Variants in RGS6 observed in about 807,000 individuals in gnomAD.
RGS6 encodes the protein regulator of G-protein signaling 6.
Under a neutral mutation model 78.5 loss-of-function variants are expected in RGS6, and 30 were observed. That is an observed-to-expected ratio of 0.38 (90% CI 0.29 to 0.52). The LOEUF is 0.52. Among genes scored for constraint, RGS6 ranks in the 20% least tolerant of loss-of-function variants. The pLI is 0.85. For synonymous variants in RGS6, 206 were observed against 206.0 expected, an observed-to-expected ratio of 1.00 and a Z score of 0.00; for missense variants, 495 against 609.7, an observed-to-expected ratio of 0.81 and a Z score of 1.98.
intron 1 of RGS6, among the ~76,000 whole-genome samples, chr14:71,956,444 C>T (rs1015163407): frequency 6.6e-6 from 1 of 151,618 alleles, no homozygotes; most frequent in Non-Finnish European, 1.5e-5. Flanking sequence ...TATTATCTTA[C>T]ATGATCACAA....
chr14:72,245,280 T>C (rs1442557863), intron 2 of RGS6, among the ~76,000 whole-genome samples: 1 of 152,162 alleles, frequency 6.6e-6, no homozygotes, highest in African/African-American at 2.4e-5. Context: ...AACCCAGCGG[T>C]ACTAGAGGAA....
At chr14:72,448,053 T>C (rs2095409862) in intron 3 of RGS6, among the ~76,000 whole-genome samples, 1 of 152,174 alleles carries the variant, frequency 6.6e-6, no homozygotes, top group African/African-American at 2.4e-5. Flanking sequence ...AGCAAAACCA[T>C]GAACCAGGCA....
At chr14:72,549,087 G>T (rs1021321362) in intron 17 of RGS6, among the ~76,000 whole-genome samples, 4 of 152,196 alleles carry the variant, frequency 2.6e-5, no homozygotes, top group Non-Finnish European at 5.9e-5. Flanking sequence ...TAAGGAAGGA[G>T]TTTGCTGAGA....
chr14:72,144,082 A>G (rs896055133), intron 2 of RGS6, among the ~76,000 whole-genome samples: 46 of 152,214 alleles, frequency 3.0e-4, no homozygotes, highest in African/African-American at 1.1e-3. Flanking sequence ...TGAAAGAATG[A>G]TGCCCCAAGA....
At chr14:72,552,389 C>T (rs1020947902) in intron 17 of RGS6, among the ~76,000 whole-genome samples, 3 of 152,188 alleles carry the variant, frequency 2.0e-5, no homozygotes, top group African/African-American at 7.2e-5. Context: ...CTGTAAGGTG[C>T]TGGGAGGTGG....
At chr14:72,414,971 G>T (rs1430050811) in intron 3 of RGS6, among the ~76,000 whole-genome samples, 1 of 152,192 alleles carries the variant, frequency 6.6e-6, no homozygotes, top group Non-Finnish European at 1.5e-5. Flanking sequence ...TACTGGGGGG[G>T]TGCCTCCCAG....
At chr14:72,015,125 T>C (rs2086675423) in intron 2 of RGS6, among the ~76,000 whole-genome samples, 1 of 152,174 alleles carries the variant, frequency 6.6e-6, no homozygotes, top group Non-Finnish European at 1.5e-5. Flanking sequence ...GGAAGCATGG[T>C]GCCAGCATCT....
chr14:72,230,115 G>A (rs1056644131), intron 2 of RGS6, among the ~76,000 whole-genome samples: 1 of 152,240 alleles, frequency 6.6e-6, no homozygotes, highest in African/African-American at 2.4e-5. Context: ...GATGGAAAGG[G>A]AAGAAAGAGT....
chr14:72,468,996 C>G (rs2096001787), intron 7 of RGS6, among the ~76,000 whole-genome samples: 1 of 152,136 alleles, frequency 6.6e-6, no homozygotes, highest in Admixed American at 6.5e-5. Context: ...AATATGGGCT[C>G]CGGCCTTGCA....
At chr14:72,505,004 C>G (rs1353586891) in intron 13 of RGS6, among the ~76,000 whole-genome samples, 2 of 143,736 alleles carry the variant, frequency 1.4e-5, no homozygotes, top group Non-Finnish European at 3.0e-5. Flanking sequence ...TCTCAAACTC[C>G]TGACCTTGTG....
rs2097494055 is a variant in RGS6 at position 72,550,738 on chromosome 14, T to G, written c.1422+10644T>G. The G allele has an allele frequency of 1.9e-5, 20 of 1,072,140 alleles. No homozygotes were observed. In the South Asian group the frequency reaches 3.7e-4, roughly 20 times the overall value. The allele number at this position is 1,072,140 out of a possible 1,614,324, so 66.4% of individuals were successfully genotyped here. On this transcript the variant is annotated intron_variant, in intron 17 of 17. Coordinates refer to ENST00000553525, the MANE Select transcript of RGS6 (RefSeq NM_001204424.2). ...CACCTGATGGAGGTTTTACACCTGA[T>G]GGAGGTTTCCTTGGTAGTGATTCAG...
chr14:72,620,380 G>A, the RGS6 span, among the ~76,000 whole-genome samples: 1 of 152,166 alleles, frequency 6.6e-6, no homozygotes, highest in African/African-American at 2.4e-5. Flanking sequence ...GATCTTAATT[G>A]AATTCTTCTG....
At chr14:72,465,641 G>A in intron 6 of RGS6, 117 bp from the exon 7 acceptor site, 1 of 686,004 alleles carries the variant, frequency 1.5e-6, no homozygotes, top group Admixed American at 2.2e-5. Context: ...TGGATGGATG[G>A]ATGGATGGAT....
At chr14:72,189,204 C>A (rs1004682644) in intron 2 of RGS6, among the ~76,000 whole-genome samples, 1 of 152,110 alleles carries the variant, frequency 6.6e-6, no homozygotes, top group Non-Finnish European at 1.5e-5. Context: ...TCCTATAAAA[C>A]CTTATTTACA....
At chr14:72,068,960 GTTTC>G (rs1215595023) in intron 2 of RGS6, among the ~76,000 whole-genome samples, 2 of 151,252 alleles carry the variant, frequency 1.3e-5, no homozygotes, top group South Asian at 2.1e-4. Context: ...TTCTACTTTT[GTTTC>G]TTTCTCTTGT....
Position 72,286,135 on chromosome 14 carries a change from A to G in RGS6, c.85-65960A>G, listed in dbSNP as rs1408375060. 2.0e-5 allele frequency among the ~76,000 whole-genome samples: 3 copies of G among 152,200 alleles called. No individual in the cohort carries two copies. In the South Asian group the frequency reaches 6.2e-4, roughly 31 times the overall value. On this transcript the variant is annotated intron_variant, in intron 2 of 17. Transcript: ENST00000553525. ...CCCCATGTTTTATTCTAGGAATTTT[A>G]TAGTTTCAGGTCTTACATTTAAGTC...
chr14:72,560,943 T>A (rs925923609), intron 17 of RGS6, among the ~76,000 whole-genome samples: 1 of 151,768 alleles, frequency 6.6e-6, no homozygotes, highest in African/African-American at 2.4e-5. Flanking sequence ...AAAGGCAGAC[T>A]TTCTGACAGC....
intron 3 of RGS6, among the ~76,000 whole-genome samples, chr14:72,437,646 C>T (rs2094992809): frequency 6.6e-6 from 1 of 152,178 alleles, no homozygotes; most frequent in Admixed American, 6.5e-5. Flanking sequence ...AGGGTTTTCC[C>T]ATTTGGGAAC....
At chr14:72,265,687 C>T (rs758004) in intron 2 of RGS6, among the ~76,000 whole-genome samples, 85,169 of 151,482 alleles carry the variant, frequency 0.56, 24,317 homozygotes, top group African/African-American at 0.65. Flanking sequence ...ATTACAGTAG[C>T]TCTCCTTGTT....
Sources: gnomAD v4.1 joint callset for allele counts (sites outside exome capture counted in the v4.1 genomes callset) on GRCh38, gnomAD v4.1.1 for gene constraint, MANE v1.5 for transcripts, NCBI Gene and HGNC (gene_info 2026-07-23, HGNC 2026-07-21) for gene names.